Variants in LMNB2 observed in about 807,000 individuals in gnomAD.
LMNB2 encodes the protein lamin-B2.
Under a neutral mutation model 69.3 loss-of-function variants are expected in LMNB2, and 17 were observed. The observed-to-expected ratio is 0.25, with a 90% CI of 0.17 to 0.37. LMNB2 has a LOEUF of 0.37. Among genes scored for constraint, LMNB2 ranks in the 10% least tolerant of loss-of-function variants. The probability of loss-of-function intolerance (pLI) is 1.00; values close to 1 mark genes in which losing one functional copy is unlikely to be tolerated. For synonymous variants in LMNB2, 397 were observed against 389.3 expected (o/e 1.02, Z -0.23); for missense variants, 789 against 883.6 (o/e 0.89, Z 1.36).
chr19:2,441,608 C>T (rs868519140), intron 2 of LMNB2, among the ~76,000 whole-genome samples: 3 of 152,208 alleles, frequency 2.0e-5, no homozygotes, highest in South Asian at 2.1e-4. Flanking sequence ...CCCGAGTGCC[C>T]GCTGTGTGGA....
chr19:2,436,797 C>T (rs1971831209), intron 4 of LMNB2: 1 of 155,266 alleles, frequency 6.4e-6, no homozygotes, highest in Non-Finnish European at 1.4e-5. Context: ...CAGGACTCCG[C>T]ACCCTGTGGG....
intron 1 of LMNB2, among the ~76,000 whole-genome samples, chr19:2,449,436 A>G (rs1971994959): frequency 6.6e-6 from 1 of 152,240 alleles, no homozygotes; most frequent in East Asian, 1.9e-4. Flanking sequence ...CCTGACTTGA[A>G]TTAATAGTTT....
Position 2,438,189 on chromosome 19 carries a change from C to G in LMNB2, c.658G>C (p.Asp220His), listed in dbSNP as rs1568203965. Reference sequence around the variant, plus strand: ...TCCTCGAACACACTCTTCCGGAAGTCCAGCTCCTCCTGCAGGCTCTGGCAG... The same window carrying G: ...TCCTCGAACACACTCTTCCGGAAGTGCAGCTCCTCCTGCAGGCTCTGGCAG... ...NRCQSLQEEL[D>H]FRKSVFEEEV... Residue 220 changes from aspartate (D) to histidine (H), a missense_variant, in exon 4 of 12, where the codon GAC becomes CAC. By Grantham distance (81) the Asp-to-His change is moderately conservative (BLOSUM62 -1). Transcript: ENST00000325327. The G allele has an allele frequency of 1.9e-6, 3 of 1,614,038 alleles. No homozygotes were observed. The highest frequency in any genetic ancestry group is 1.7e-6 in the Non-Finnish European group (2 of 1,180,028).
intron 8 of LMNB2, 32 bp downstream of exon 8, chr19:2,433,794 C>T (rs371872892): frequency 3.7e-5 from 59 of 1,612,198 alleles, no homozygotes; most frequent in African/African-American, 4.0e-5. Context: ...TGGGTCACCC[C>T]GTTACCCCCA....
chr19:2,454,218 G>A (rs1405656039), intron 1 of LMNB2, among the ~76,000 whole-genome samples: 1 of 151,308 alleles, frequency 6.6e-6, no homozygotes, highest in Non-Finnish European at 1.5e-5. Flanking sequence ...ACTTGAACCC[G>A]GGAGGCAGAG....
At position 2,443,508 on chromosome 19, in the gene LMNB2, C is replaced by CT. The variant is rs35162345; in HGVS notation, c.401+895dup. Among the ~76,000 whole-genome samples the CT allele has an allele frequency of 0.21, 31,350 of 152,116 alleles. 3,292 individuals carry two copies. Among genetic ancestry groups the CT allele is most frequent in the Middle Eastern group, 0.29 (85 of 294 alleles). On this transcript the variant is annotated intron_variant, in intron 2 of 11. Transcript: ENST00000325327. This position sits in a 1 kb window ranked among gnomAD's most constrained non-coding sequence, Gnocchi z 6.2. ...CCAGGTGGCCGAGGTGCCACCCCTC[C>CT]TGCCAGCAGATCCCTCCATGCTGAG...
rs1364573728 is a variant in LMNB2 at position 2,453,450 on chromosome 19, C to T, written c.264+3220G>A. On this transcript the variant is annotated intron_variant, in intron 1 of 11. Coordinates refer to ENST00000325327, the MANE Select transcript of LMNB2 (RefSeq NM_032737.4). This position sits in a 1 kb window ranked among gnomAD's most constrained non-coding sequence, Gnocchi z 4.4. ...ACTCCCTCCATGTGGGCCCACATGACGTCCCCCCACCAGCGGCCCCCACCC... is the reference window on the plus strand; with the variant it reads ...ACTCCCTCCATGTGGGCCCACATGATGTCCCCCCACCAGCGGCCCCCACCC... 6.6e-6 allele frequency among the ~76,000 whole-genome samples: 1 copy of T among 151,808 alleles called. No homozygotes were observed. The highest frequency in any genetic ancestry group is 1.5e-5 in the Non-Finnish European group (1 of 67,928).
intron 1 of LMNB2, among the ~76,000 whole-genome samples, chr19:2,452,946 A>T (rs140846407): frequency 9.9e-6 from 1 of 100,758 alleles, no homozygotes; most frequent in African/African-American, 4.0e-5. Flanking sequence ...CGTCATCCTC[A>T]TGGGGGCTGG....
intron 4 of LMNB2, among the ~76,000 whole-genome samples, chr19:2,435,605 G>A (rs1040143838): frequency 6.6e-6 from 1 of 152,166 alleles, no homozygotes; most frequent in Admixed American, 6.6e-5. Context: ...AGAATTAGAG[G>A]TGGTGGTTGC....
intron 1 of LMNB2, among the ~76,000 whole-genome samples, chr19:2,449,002 T>C (rs7248395): frequency 0.37 from 56,926 of 152,032 alleles, 11,506 homozygotes; most frequent in African/African-American, 0.54. Context: ...AATCCTCCTG[T>C]CTCAGCTGCC....
In LMNB2 at chr19:2,429,232, G is replaced by A. The variant is rs1166282063; in HGVS notation, c.*1679C>T. ...GGTCCGGGTGATTCCTGCTATGAAG[G>A]TGGGAAAGAGGACACAGTCTGTCGC... On this transcript the variant is annotated 3_prime_UTR_variant, in exon 12 of 12. Coordinates refer to ENST00000325327, the MANE Select transcript of LMNB2 (RefSeq NM_032737.4). 3 of 152,246 alleles carry A rather than the reference G, an allele frequency of 2.0e-5. No homozygotes were observed. Among genetic ancestry groups the A allele is most frequent in the Non-Finnish European group, 2.9e-5 (2 of 68,050 alleles). The allele number at this position is 152,246 out of a possible 1,614,324, so 9.4% of individuals were successfully genotyped here.
chr19:2,454,292 CAAA>C (rs58800585), intron 1 of LMNB2, among the ~76,000 whole-genome samples: 2 of 80,976 alleles, frequency 2.5e-5, no homozygotes, highest in South Asian at 4.2e-4. Context: ...GACTCTATCT[CAAA>C]AAAAAAAAAA....
At chr19:2,454,685 G>C (rs933497885) in intron 1 of LMNB2, among the ~76,000 whole-genome samples, 7 of 152,100 alleles carry the variant, frequency 4.6e-5, no homozygotes, top group African/African-American at 1.7e-4. Flanking sequence ...CCCGACTTCG[G>C]CACCCAGCTC....
chr19:2,450,091 A>AATACATATATATATACATATACAT (rs1972002596), intron 1 of LMNB2, among the ~76,000 whole-genome samples: 6 of 147,812 alleles, frequency 4.1e-5, no homozygotes, highest in African/African-American at 1.5e-4. Flanking sequence ...AAGAAAATAA[A>AATACATATATATATACATATACAT]ATACATATAC....
In LMNB2 at chr19:2,453,471, C is replaced by T. The variant is rs1173716867; in HGVS notation, c.264+3199G>A. On this transcript the variant is annotated intron_variant, in intron 1 of 11. Coordinates refer to ENST00000325327, the MANE Select transcript of LMNB2 (RefSeq NM_032737.4). This position sits in a 1 kb window ranked among gnomAD's most constrained non-coding sequence, Gnocchi z 4.4. ...ATGACGTCCCCCCACCAGCGGCCCC[C>T]ACCCCAGCAGGCTTCCAACTCTGCT... 6.6e-6 allele frequency among the ~76,000 whole-genome samples: 1 copy of T among 152,056 alleles called. No individual in the cohort carries two copies. The highest frequency in any genetic ancestry group is 1.5e-5 in the Non-Finnish European group (1 of 67,982).
chr19:2,440,584 A>G (rs1433326696), intron 2 of LMNB2, among the ~76,000 whole-genome samples: 1 of 150,610 alleles, frequency 6.6e-6, no homozygotes, highest in Non-Finnish European at 1.5e-5. Context: ...CCATCCATCC[A>G]TCCACTCATC....
At chr19:2,431,471 G>A (rs955057887) in intron 11 of LMNB2, 77 bp downstream of exon 11, 11 of 1,586,078 alleles carry the variant, frequency 6.9e-6, no homozygotes, top group South Asian at 4.4e-5. Flanking sequence ...CGGCCAGCAC[G>A]CATGTGTATG....
chr19:2,431,469 A>G, intron 11 of LMNB2, 79 bp downstream of exon 11: 2 of 1,590,746 alleles, frequency 1.3e-6, no homozygotes, highest in Non-Finnish European at 1.7e-6. Context: ...TGCGGCCAGC[A>G]CGCATGTGTA....
At chr19:2,444,046 C>T (rs568267825) in intron 2 of LMNB2, among the ~76,000 whole-genome samples, 5 of 152,182 alleles carry the variant, frequency 3.3e-5, no homozygotes, top group Non-Finnish European at 5.9e-5. Context: ...TCAAACGCGT[C>T]TCACGGTGTC....
Sources: gnomAD v4.1 joint callset for allele counts (sites outside exome capture counted in the v4.1 genomes callset) on GRCh38, gnomAD v4.1.1 for gene constraint, Gnocchi (gnomAD v3.1) non-coding constraint, MANE v1.5 for transcripts, NCBI Gene and HGNC (gene_info 2026-07-23, HGNC 2026-07-21) for gene names.